Variants in SESN1 observed in about 807,000 individuals in gnomAD.
The protein encoded by SESN1 is sestrin 1.
In SESN1, 30 loss-of-function variants were observed where a neutral mutation model predicts 59.3. The ratio of observed to expected loss-of-function variants is 0.51; its 90% CI spans 0.38 to 0.69. SESN1 has a LOEUF of 0.69. Among genes scored for constraint, SESN1 ranks in the 30% least tolerant of loss-of-function variants. The probability of loss-of-function intolerance (pLI) is 0.00; values close to 1 mark genes in which losing one functional copy is unlikely to be tolerated. For synonymous variants in SESN1, 197 were observed against 219.9 expected, an observed-to-expected ratio of 0.90 and a Z score of 0.92; for missense variants, 566 against 673.0, an observed-to-expected ratio of 0.84 and a Z score of 1.76.
chr6:109,044,884 G>T (rs11752581), intron 1 of SESN1, among the ~76,000 whole-genome samples: 1 of 152,036 alleles, frequency 6.6e-6, no homozygotes, highest in Non-Finnish European at 1.5e-5. Context: ...TTAGCTGAGC[G>T]TGGTGGCGCA....
In SESN1 at chr6:108,984,907, A is replaced by G. The variant is rs112499531; in HGVS notation, c.*2637T>C. ...TTTGCCTAAATGCTGCAGTTTCCCAATTGGTTTCTAGAGTTCTCACAAAGA... is the reference window on the plus strand; with the variant it reads ...TTTGCCTAAATGCTGCAGTTTCCCAGTTGGTTTCTAGAGTTCTCACAAAGA... On this transcript the variant is annotated 3_prime_UTR_variant, in exon 10 of 10. Transcript: ENST00000436639. Among the ~76,000 whole-genome samples the G allele has an allele frequency of 0.013, 1,944 of 152,118 alleles. 16 individuals carry two copies. Among genetic ancestry groups the G allele is most frequent in the Non-Finnish European group, 0.019 (1,307 of 67,988 alleles).
chr6:109,060,480 T>G (rs1248036367), intron 1 of SESN1, among the ~76,000 whole-genome samples: 3 of 152,238 alleles, frequency 2.0e-5, no homozygotes, highest in Admixed American at 6.5e-5. Context: ...TTCTATTGAT[T>G]AGTTCAGTAC....
rs6916358 is a variant in SESN1 at position 109,035,794 on chromosome 6, G to A, written c.280-33451C>T. Among the ~76,000 whole-genome samples, 1,333 of 152,198 alleles carry A rather than the reference G, an allele frequency of 8.8e-3. 24 individuals are homozygous for A. The highest frequency in any genetic ancestry group is 0.03 in the African/African-American group (1,264 of 41,500). Reference sequence around the variant, plus strand: ...TTATTTCTATTTTTATTTTTGTAGAGATGGAGTCTTGCTATGTTACTTAGG... The same window carrying A: ...TTATTTCTATTTTTATTTTTGTAGAAATGGAGTCTTGCTATGTTACTTAGG... On this transcript the variant is annotated intron_variant, in intron 1 of 9. Coordinates refer to ENST00000436639, the MANE Select transcript of SESN1 (RefSeq NM_014454.3).
chr6:109,093,912 T>G lies in SESN1; in HGVS notation c.162A>C (p.Ser54=). 6.2e-7 allele frequency: 1 copy of G among 1,614,240 alleles called. No homozygotes were observed. Among genetic ancestry groups the G allele is most frequent in the Admixed American group, 1.7e-5 (1 of 60,024 alleles). The change falls in exon 1 of 10, where the codon TCA becomes TCC. Residue 54 remains serine, a synonymous_variant. Transcript: ENST00000436639. ...TCAACCCATCCGAAGACTCGGTATT[T>G]GAAAGCCCGTCTGATGGACGATGAG... is the stretch of plus-strand genomic sequence containing the variant. ...ETPHRPSDGL[S]NTESSDGLNK...
intron 1 of SESN1, among the ~76,000 whole-genome samples, chr6:109,071,390 G>T (rs558485399): frequency 1.3e-5 from 2 of 150,798 alleles, no homozygotes; most frequent in East Asian, 3.9e-4. Context: ...TTCTAAGACA[G>T]GCACAATGCT....
At chr6:109,022,678 T>TA (rs1281894513) in intron 1 of SESN1, among the ~76,000 whole-genome samples, 1 of 152,010 alleles carries the variant, frequency 6.6e-6, no homozygotes, top group Non-Finnish European at 1.5e-5. Flanking sequence ...CCTCCCAAAG[T>TA]GCTGGGATTA....
intron 1 of SESN1, among the ~76,000 whole-genome samples, chr6:109,065,892 A>G (rs1780816957): frequency 6.6e-6 from 1 of 152,006 alleles, no homozygotes; most frequent in Non-Finnish European, 1.5e-5. Context: ...TCTAAAACCA[A>G]TACATTGAAG....
chr6:109,018,067 C>T (rs1779954828), intron 1 of SESN1, among the ~76,000 whole-genome samples: 4 of 152,174 alleles, frequency 2.6e-5, no homozygotes, highest in Admixed American at 2.6e-4. Flanking sequence ...ATCCAGAGTT[C>T]TATGCTTTCA....
intron 1 of SESN1, among the ~76,000 whole-genome samples, chr6:109,051,163 CA>C (rs199848413): frequency 2.7e-5 from 4 of 150,392 alleles, no homozygotes; most frequent in African/African-American, 4.9e-5. Context: ...AAAAAAACAA[CA>C]AAAAAAAACT....
chr6:109,080,992 G>GT (rs1781112298), intron 1 of SESN1, among the ~76,000 whole-genome samples: 1 of 151,722 alleles, frequency 6.6e-6, no homozygotes, highest in South Asian at 2.1e-4. Flanking sequence ...TTAGATTTGG[G>GT]TTACATCCCG....
intron 1 of SESN1, among the ~76,000 whole-genome samples, chr6:109,058,321 A>T (rs1182760049): frequency 6.6e-6 from 1 of 152,098 alleles, no homozygotes; most frequent in Non-Finnish European, 1.5e-5. Context: ...ATATACAAAT[A>T]ATTACCATTG....
rs147824111 is a variant in SESN1 at position 109,005,844 on chromosome 6, G to A, written c.280-3501C>T. On this transcript the variant is annotated intron_variant, in intron 1 of 9. Coordinates refer to ENST00000436639, the MANE Select transcript of SESN1 (RefSeq NM_014454.3). The stretch of plus-strand genomic sequence containing the variant: ...ATAGAATTTTACAAATTATACAAAC[G>A]TGAGTCTTTTGTTATAGATTCTAGT... Among the ~76,000 whole-genome samples the A allele has an allele frequency of 5.2e-3, 797 of 152,182 alleles. 8 individuals carry two copies. The highest frequency in any genetic ancestry group is 0.017 in the African/African-American group (709 of 41,504).
chr6:109,001,196 A>G (rs1157242889), intron 3 of SESN1, 92 bp downstream of exon 3: 1 of 1,029,250 alleles, frequency 9.7e-7, no homozygotes, highest in Non-Finnish European at 1.4e-6. Context: ...ATCATAATCT[A>G]AGTATTTATC....
At chr6:109,005,537 A>G (rs948143364) in intron 1 of SESN1, among the ~76,000 whole-genome samples, 9 of 152,362 alleles carry the variant, frequency 5.9e-5, no homozygotes, top group African/African-American at 2.2e-4. Flanking sequence ...TATATAGTTT[A>G]TATGCCAAAT....
intron 8 of SESN1, among the ~76,000 whole-genome samples, chr6:108,989,615 CTATA>C (rs998975532): frequency 1.4e-5 from 2 of 141,578 alleles, no homozygotes; most frequent in Non-Finnish European, 3.1e-5. Flanking sequence ...AGATATCTCT[CTATA>C]TAGAGAAATT....
chr6:109,022,046 G>A (rs1393336664), intron 1 of SESN1, among the ~76,000 whole-genome samples: 1 of 149,726 alleles, frequency 6.7e-6, no homozygotes, highest in African/African-American at 2.4e-5. Context: ...CTATGTGCCA[G>A]GCATTTTTTT....
At chr6:109,058,040 T>A (rs1780664911) in intron 1 of SESN1, among the ~76,000 whole-genome samples, 1 of 151,764 alleles carries the variant, frequency 6.6e-6, no homozygotes, top group African/African-American at 2.4e-5. Context: ...ACAGTAACTT[T>A]TTTTTTTTTA....
intron 1 of SESN1, among the ~76,000 whole-genome samples, chr6:109,075,097 G>T (rs1431835059): frequency 1.3e-5 from 2 of 152,110 alleles, no homozygotes; most frequent in South Asian, 4.1e-4. Flanking sequence ...GGTTGCAAAG[G>T]TAGGAAGAAG....
intron 1 of SESN1, among the ~76,000 whole-genome samples, chr6:109,076,159 T>C (rs1440773667): frequency 6.6e-6 from 1 of 152,242 alleles, no homozygotes; most frequent in African/African-American, 2.4e-5. Flanking sequence ...AAATCATCCA[T>C]CTTTATTATG....
Sources: gnomAD v4.1 joint callset for allele counts (sites outside exome capture counted in the v4.1 genomes callset) on GRCh38, gnomAD v4.1.1 for gene constraint, MANE v1.5 for transcripts, NCBI Gene and HGNC (gene_info 2026-07-23, HGNC 2026-07-21) for gene names.